TOM1L2: variants seen among roughly 807,000 people sequenced by gnomAD.
TOM1L2 encodes TOM1-like protein 2.
TOM1L2 carries 31 observed loss-of-function variants against 67.9 expected under a neutral mutation model. The ratio of observed to expected loss-of-function variants is 0.46; its 90% CI spans 0.34 to 0.62. TOM1L2 has a LOEUF of 0.62. Ranked by LOEUF, TOM1L2 falls within the 20% of genes least tolerant of loss-of-function variation. TOM1L2 has a pLI of 0.01. For missense variants in TOM1L2, 606 were observed against 663.5 expected (o/e 0.91, Z 0.95); for synonymous variants, 256 against 254.0 (o/e 1.01, Z -0.07).
At chr17:17,901,712 G>A (rs191587909) in intron 2 of TOM1L2, among the ~76,000 whole-genome samples, 48 of 152,344 alleles carry the variant, frequency 3.2e-4, no homozygotes, top group African/African-American at 1.1e-3. Context: ...CTCCAGCTTA[G>A]AAGATAGAAC....
intron 1 of TOM1L2, among the ~76,000 whole-genome samples, chr17:17,925,224 T>C (rs2040035683): frequency 6.6e-6 from 1 of 152,098 alleles, no homozygotes; most frequent in East Asian, 1.9e-4. Context: ...TTTATGGCAA[T>C]GCAAGAACAA....
intron 3 of TOM1L2, among the ~76,000 whole-genome samples, chr17:17,894,652 C>T (rs1251425452): frequency 6.6e-6 from 1 of 152,208 alleles, no homozygotes; most frequent in Non-Finnish European, 1.5e-5. Flanking sequence ...AAGCATAGGC[C>T]GGGCATAGTG....
chr17:17,907,298 G>A lies in TOM1L2; in HGVS notation c.137+149C>T, dbSNP rs1040025763. 4.5e-6 allele frequency: 3 copies of A among 663,124 alleles called. No individual in the cohort carries two copies. The African/African-American group carries it at 5.5e-5, about 12-fold the overall frequency. 41.1% of individuals were successfully genotyped at this position (663,124 alleles called of 1,614,324 possible). Reference sequence around the variant, plus strand: ...GGGAGGGATGAAGACAAAAAGGACAGATAATTCAGAGTGTCAGCTTATTCG... The same window carrying A: ...GGGAGGGATGAAGACAAAAAGGACAAATAATTCAGAGTGTCAGCTTATTCG... On this transcript the variant is annotated intron_variant, in intron 2 of 14. Coordinates refer to ENST00000379504, the MANE Select transcript of TOM1L2 (RefSeq NM_001082968.2).
intron 1 of TOM1L2, among the ~76,000 whole-genome samples, chr17:17,971,602 A>C (rs1355630712): frequency 6.6e-6 from 1 of 151,504 alleles, no homozygotes; most frequent in African/African-American, 2.4e-5. Flanking sequence ...GGAGGGACAA[A>C]GATGGAGAAG....
At chr17:17,894,715 G>A (rs1179533114) in intron 3 of TOM1L2, among the ~76,000 whole-genome samples, 1 of 152,220 alleles carries the variant, frequency 6.6e-6, no homozygotes, top group Non-Finnish European at 1.5e-5. Flanking sequence ...TGGATCACCT[G>A]AGGTCAGGAA....
chr17:17,923,851 A>C (rs556813946), intron 1 of TOM1L2, among the ~76,000 whole-genome samples: 11 of 152,140 alleles, frequency 7.2e-5, no homozygotes, highest in African/African-American at 2.6e-4. Context: ...AAAAAGAAAA[A>C]AAAAGGCCGG....
In TOM1L2 at chr17:17,927,039, T is replaced by C. The variant is rs537550154; in HGVS notation, c.53-19508A>G. 5.3e-5 allele frequency among the ~76,000 whole-genome samples: 8 copies of C among 152,342 alleles called. No individual in the cohort carries two copies. The South Asian group carries it at 6.2e-4, about 12-fold the overall frequency. ...AAACAGTAGTTCTAAGTGGGTCACC[T>C]TGAATAATACGAAACAAAGCTTGCC... On this transcript the variant is annotated intron_variant, in intron 1 of 14. Transcript: ENST00000379504.
chr17:17,915,491 T>C (rs1349145036), intron 1 of TOM1L2, among the ~76,000 whole-genome samples: 1 of 152,118 alleles, frequency 6.6e-6, no homozygotes, highest in Admixed American at 6.6e-5. Flanking sequence ...GACATATCTA[T>C]TCAATTTTTT....
At chr17:17,902,155 G>A (rs139601088) in intron 2 of TOM1L2, among the ~76,000 whole-genome samples, 168 of 152,204 alleles carry the variant, frequency 1.1e-3, no homozygotes, top group African/African-American at 3.9e-3. Context: ...CAGCCTGGGC[G>A]ACAAGAGCAA....
intron 1 of TOM1L2, among the ~76,000 whole-genome samples, chr17:17,923,261 C>CGTG (rs1453140685): frequency 6.6e-6 from 1 of 152,106 alleles, no homozygotes; most frequent in Non-Finnish European, 1.5e-5. Context: ...ATTAGCCAGG[C>CGTG]GTGGTGGTGG....
intron 1 of TOM1L2, among the ~76,000 whole-genome samples, chr17:17,971,629 A>G (rs1388662193): frequency 6.6e-6 from 1 of 151,490 alleles, no homozygotes; most frequent in Non-Finnish European, 1.5e-5. Context: ...ACATCCCACA[A>G]AGGGTTTGGG....
chr17:17,897,238 C>G (rs1454467290), intron 3 of TOM1L2, among the ~76,000 whole-genome samples: 1 of 152,214 alleles, frequency 6.6e-6, no homozygotes, highest in Non-Finnish European at 1.5e-5. Context: ...GGGCATCACT[C>G]CTGGTTTAGT....
intron 2 of TOM1L2, among the ~76,000 whole-genome samples, chr17:17,902,376 C>CA: frequency 6.6e-6 from 1 of 152,196 alleles, no homozygotes; most frequent in Non-Finnish European, 1.5e-5. Flanking sequence ...AGGACCACAG[C>CA]CTCCCATTGG....
intron 11 of TOM1L2, chr17:17,861,811 C>T: frequency 2.3e-6 from 1 of 431,780 alleles, no homozygotes; most frequent in Non-Finnish European, 4.2e-6. Context: ...ACCTCAACAT[C>T]CCTCTCTTGA....
chr17:17,847,546 G>A lies in TOM1L2; in HGVS notation c.*89C>T. 2 of 1,494,104 alleles carry A rather than the reference G, an allele frequency of 1.3e-6. No individual in the cohort carries two copies. The highest frequency in any genetic ancestry group is 2.6e-5 in the South Asian group (2 of 76,232). The allele number at this position is 1,494,104 out of a possible 1,614,324, so 92.6% of individuals were successfully genotyped here. On this transcript the variant is annotated 3_prime_UTR_variant, in exon 15 of 15. Transcript: ENST00000379504. ...GGAAACACAGGTGTGCAGGCCGTGT[G>A]GAGCTGGGGATGTAGGAGTGGCCAG...
At chr17:17,912,083 T>C (rs1447877193) in intron 1 of TOM1L2, among the ~76,000 whole-genome samples, 6 of 152,092 alleles carry the variant, frequency 3.9e-5, no homozygotes, top group Non-Finnish European at 7.4e-5. Flanking sequence ...AACCATCCGA[T>C]TTCTCAATCT....
At chr17:17,936,508 T>C (rs1040117741) in intron 1 of TOM1L2, among the ~76,000 whole-genome samples, 2 of 152,112 alleles carry the variant, frequency 1.3e-5, no homozygotes, top group African/African-American at 2.4e-5. Context: ...ATGTAAATAA[T>C]CTGAAATGCA....
intron 12 of TOM1L2, chr17:17,858,165 G>C (rs76081513): frequency 0.01 from 2,405 of 235,012 alleles, 31 homozygotes; most frequent in African/African-American, 0.041. Flanking sequence ...GGTTGGGAGG[G>C]GGTCAACTTT....
intron 2 of TOM1L2, among the ~76,000 whole-genome samples, chr17:17,904,568 G>A (rs980204694): frequency 5.9e-5 from 9 of 152,112 alleles, no homozygotes; most frequent in East Asian, 1.9e-4. Context: ...AAGTGCCTGC[G>A]AAACCCCTGA....
Sources: gnomAD v4.1 joint callset for allele counts (sites outside exome capture counted in the v4.1 genomes callset) on GRCh38, gnomAD v4.1.1 for gene constraint, MANE v1.5 for transcripts, NCBI Gene and HGNC (gene_info 2026-07-23, HGNC 2026-07-21) for gene names.